The following KLHL1 variants were observed in gnomAD, a reference collection of about 807,000 sequenced individuals.
KLHL1 encodes the protein kelch-like protein 1.
In KLHL1, 47 loss-of-function variants were observed where a neutral mutation model predicts 77.7. The ratio of observed to expected loss-of-function variants is 0.60; its 90% CI spans 0.48 to 0.77. The LOEUF is 0.77. Among genes scored for constraint, KLHL1 ranks in the 30% least tolerant of loss-of-function variants. The pLI is 0.00. For missense variants in KLHL1, 925 were observed against 910.8 expected, an observed-to-expected ratio of 1.02 and a Z score of -0.20; for synonymous variants, 360 against 325.2, an observed-to-expected ratio of 1.11 and a Z score of -1.15.
intron 1 of KLHL1, among the ~76,000 whole-genome samples, chr13:70,063,561 C>T (rs1184848809): frequency 2.6e-5 from 4 of 151,864 alleles, no homozygotes; most frequent in African/African-American, 9.7e-5. Context: ...TCAATTTCCA[C>T]TCATTTAATA....
At chr13:70,105,047 G>A (rs1314350215) in intron 1 of KLHL1, among the ~76,000 whole-genome samples, 2 of 152,002 alleles carry the variant, frequency 1.3e-5, no homozygotes, top group East Asian at 3.9e-4. Context: ...AATACATACA[G>A]TGCTAGCTGA....
At chr13:69,895,442 C>T (rs141924499) in intron 4 of KLHL1, among the ~76,000 whole-genome samples, 1,982 of 152,214 alleles carry the variant, frequency 0.013, 14 homozygotes, top group Non-Finnish European at 0.018. Flanking sequence ...TTTAACAGAG[C>T]CATTAAATAA....
At chr13:69,789,896 A>C (rs1266691238) in intron 7 of KLHL1, among the ~76,000 whole-genome samples, 1 of 151,884 alleles carries the variant, frequency 6.6e-6, no homozygotes, top group Non-Finnish European at 1.5e-5. Flanking sequence ...TTTGGAGGAG[A>C]ATGTAACTTA....
intron 1 of KLHL1, among the ~76,000 whole-genome samples, chr13:69,991,667 C>T (rs1004371332): frequency 6.8e-6 from 1 of 146,304 alleles, no homozygotes; most frequent in Admixed American, 6.7e-5. Context: ...TAATAAATAG[C>T]CTATCAACCA....
chr13:69,919,815 T>C (rs1882573570), intron 4 of KLHL1, among the ~76,000 whole-genome samples: 1 of 152,080 alleles, frequency 6.6e-6, no homozygotes, highest in South Asian at 2.1e-4. Flanking sequence ...AAGTAAAAAA[T>C]AAAAATAAAA....
At chr13:69,759,308 T>C (rs1874909189) in intron 7 of KLHL1, among the ~76,000 whole-genome samples, 1 of 152,132 alleles carries the variant, frequency 6.6e-6, no homozygotes, top group Admixed American at 6.5e-5. Flanking sequence ...TTTGACAGCA[T>C]TAGCTCATGA....
chr13:69,857,476 CAG>C (rs1345531068), intron 5 of KLHL1, among the ~76,000 whole-genome samples: 1 of 152,056 alleles, frequency 6.6e-6, no homozygotes, highest in Non-Finnish European at 1.5e-5. Context: ...AGGTCTGCCA[CAG>C]AGTTGACATT....
At chr13:69,720,887 A>G (rs1338390622) in intron 8 of KLHL1, among the ~76,000 whole-genome samples, 1 of 147,974 alleles carries the variant, frequency 6.8e-6, no homozygotes, top group African/African-American at 2.5e-5. Context: ...AGGAAGCCAT[A>G]GTGGTTTTTG....
intron 1 of KLHL1, among the ~76,000 whole-genome samples, chr13:70,038,211 C>T (rs765794749): frequency 2.2e-4 from 34 of 152,188 alleles, no homozygotes; most frequent in Non-Finnish European, 1.8e-4. Context: ...CCCTTCAGAT[C>T]CATCCAAATT....
chr13:69,976,956 G>T (rs374725160), intron 1 of KLHL1, among the ~76,000 whole-genome samples: 1 of 152,036 alleles, frequency 6.6e-6, no homozygotes, highest in South Asian at 2.1e-4. Context: ...AGAGTCCAAG[G>T]AGCTCAACAT....
intron 4 of KLHL1, among the ~76,000 whole-genome samples, chr13:69,904,311 A>T (rs910262952): frequency 2.6e-5 from 4 of 152,182 alleles, no homozygotes; most frequent in African/African-American, 9.7e-5. Flanking sequence ...CATTATAAAG[A>T]TTCTCACCTT....
chr13:69,809,344 A>G (rs1211453936), intron 6 of KLHL1, among the ~76,000 whole-genome samples: 1 of 152,188 alleles, frequency 6.6e-6, no homozygotes, highest in African/African-American at 2.4e-5. Context: ...AACCTGGCAG[A>G]CTAACAACAT....
At chr13:69,788,620 C>A (rs1001882868) in intron 7 of KLHL1, among the ~76,000 whole-genome samples, 1 of 151,818 alleles carries the variant, frequency 6.6e-6, no homozygotes, top group East Asian at 1.9e-4. Context: ...ATGTAACAAA[C>A]CTGCACATTG....
At chr13:69,827,618 T>G (rs1441237304) in intron 6 of KLHL1, among the ~76,000 whole-genome samples, 1 of 150,606 alleles carries the variant, frequency 6.6e-6, no homozygotes, top group East Asian at 2.0e-4. Context: ...TAATCCCAGC[T>G]ACTCGGGAGG....
At chr13:70,100,147 G>T in intron 1 of KLHL1, among the ~76,000 whole-genome samples, 1 of 151,916 alleles carries the variant, frequency 6.6e-6, no homozygotes, top group Non-Finnish European at 1.5e-5. Flanking sequence ...AACCACATTA[G>T]TAGTGAGTCT....
At chr13:69,801,834 T>C (rs1321128219) in intron 6 of KLHL1, among the ~76,000 whole-genome samples, 2 of 152,174 alleles carry the variant, frequency 1.3e-5, no homozygotes, top group Non-Finnish European at 2.9e-5. Flanking sequence ...TTAGAAATAA[T>C]TCCTACAATG....
chr13:69,939,352 T>TAC (rs1883285018), intron 4 of KLHL1, among the ~76,000 whole-genome samples: 1 of 62,520 alleles, frequency 1.6e-5, no homozygotes, highest in Non-Finnish European at 3.6e-5. Context: ...TATATATATA[T>TAC]ATATATATAT....
chr13:70,093,677 T>A (rs1178923917), intron 1 of KLHL1, among the ~76,000 whole-genome samples: 1 of 152,190 alleles, frequency 6.6e-6, no homozygotes, highest in Non-Finnish European at 1.5e-5. Flanking sequence ...TTGTTTGTAT[T>A]TGACATTTGT....
At chr13:69,956,158 T>TC (rs1883881804) in intron 3 of KLHL1, among the ~76,000 whole-genome samples, 1 of 139,918 alleles carries the variant, frequency 7.1e-6, no homozygotes, top group African/African-American at 2.7e-5. Flanking sequence ...TTATATATAT[T>TC]TGATATATAT....
Sources: allele counts gnomAD v4.1 joint callset (sites outside exome capture counted in the v4.1 genomes callset), GRCh38; gene constraint gnomAD v4.1.1; transcripts MANE v1.5; gene names NCBI Gene and HGNC (gene_info 2026-07-23, HGNC 2026-07-21).